Variants in ADA2 observed in about 807,000 individuals in gnomAD.
ADA2 encodes the protein adenosine deaminase CECR1.
A neutral mutation model predicts 44.2 loss-of-function variants in ADA2; 29 were observed. The ratio of observed to expected loss-of-function variants is 0.66; its 90% CI spans 0.49 to 0.89. The LOEUF (loss-of-function observed/expected upper bound fraction) is 0.89. Among genes scored for constraint, ADA2 ranks in the 40% least tolerant of loss-of-function variants. The probability of loss-of-function intolerance (pLI) is 0.00; values close to 1 mark genes in which losing one functional copy is unlikely to be tolerated. For missense variants in ADA2, 637 were observed against 644.8 expected, an observed-to-expected ratio of 0.99 and a Z score of 0.13; for synonymous variants, 215 against 234.9, an observed-to-expected ratio of 0.92 and a Z score of 0.77.
At position 17,207,215 on chromosome 22, in the gene ADA2, T is replaced by TG; in HGVS notation, c.397dup (p.His133ProfsTer45). 1 of 1,614,144 alleles carries TG rather than the reference T, an allele frequency of 6.2e-7. No individual in the cohort carries two copies. ...CCTTGGGGTGAAACAGATGTGGCAG[T>TG]GAGGCCTGTAGGTGACATTCCTCAC... On this transcript the variant is annotated frameshift_variant, in exon 3 of 10. Transcript: ENST00000399837. LOFTEE classifies it high-confidence loss of function.
chr22:17,205,263 G>A (rs572914389), intron 3 of ADA2, among the ~76,000 whole-genome samples: 12 of 151,956 alleles, frequency 7.9e-5, no homozygotes, highest in East Asian at 3.9e-4. Flanking sequence ...CAAGTGATCC[G>A]CCCACCTCGG....
At chr22:17,211,827 C>G (rs1189741923) in intron 1 of ADA2, among the ~76,000 whole-genome samples, 7 of 151,828 alleles carry the variant, frequency 4.6e-5, no homozygotes, top group Non-Finnish European at 8.8e-5. Flanking sequence ...ACTCAGGAGC[C>G]TGAGGCAGGA....
At chr22:17,219,895 C>G (rs897479792), upstream of ADA2, among the ~76,000 whole-genome samples, 1 of 151,890 alleles carries the variant, frequency 6.6e-6, no homozygotes, top group Non-Finnish European at 1.5e-5. Flanking sequence ...AGGCTGCTCT[C>G]GAACTCCTGA....
chr22:17,212,464 G>A (rs996050587), intron 1 of ADA2, among the ~76,000 whole-genome samples: 3 of 152,126 alleles, frequency 2.0e-5, no homozygotes, highest in Non-Finnish European at 4.4e-5. Context: ...AGTAGAGACG[G>A]AGTTTCACTA....
chr22:17,212,812 C>A (rs1464639133), intron 1 of ADA2, among the ~76,000 whole-genome samples: 2 of 150,732 alleles, frequency 1.3e-5, no homozygotes, highest in Non-Finnish European at 3.0e-5. Context: ...CAGGGTCTTA[C>A]TCTGTTGCCC....
At chr22:17,186,237 C>T (rs2062034047) in intron 7 of ADA2, among the ~76,000 whole-genome samples, 1 of 152,196 alleles carries the variant, frequency 6.6e-6, no homozygotes, top group South Asian at 2.1e-4. Flanking sequence ...CTCTCAAGCA[C>T]AATTCACTCG....
chr22:17,182,787 TG>T (rs1568967136), intron 7 of ADA2, 26 bp from the exon 8 acceptor site: 3 of 1,546,144 alleles, frequency 1.9e-6, no homozygotes, highest in Admixed American at 3.4e-5. Flanking sequence ...TGGTCTTCCA[TG>T]GGGGATGGAT....
At chr22:17,209,318 C>A in intron 2 of ADA2, 38 bp downstream of exon 2, 8 of 1,561,086 alleles carry the variant, frequency 5.1e-6, no homozygotes, top group Non-Finnish European at 7.0e-6. Flanking sequence ...GTCCCTCTAC[C>A]TTCCCAGCAC....
rs1388736764 is a variant in ADA2, at chr22:17,209,683, T to A, written c.-6A>T. On this transcript the variant is annotated 5_prime_UTR_variant, in exon 2 of 10. Transcript: ENST00000399837. ...GATGGGCCATCCACCAACATCGGGATGCCTGGACTAGGAAAGGGCTCAGAT... is the reference window on the plus strand; with the variant it reads ...GATGGGCCATCCACCAACATCGGGAAGCCTGGACTAGGAAAGGGCTCAGAT... 3 of 1,609,308 alleles carry A rather than the reference T, an allele frequency of 1.9e-6. No individual in the cohort carries two copies.
chr22:17,195,133 T>C (rs1452467067), intron 4 of ADA2, among the ~76,000 whole-genome samples: 1 of 152,198 alleles, frequency 6.6e-6, no homozygotes, highest in South Asian at 2.1e-4. Flanking sequence ...CACAATTTAT[T>C]ACCAGTTGTT....
At chr22:17,181,646 G>A in intron 9 of ADA2, 70 bp from the exon 10 acceptor site, 2 of 1,185,834 alleles carry the variant, frequency 1.7e-6, no homozygotes, top group Non-Finnish European at 2.5e-6. Flanking sequence ...GAGCCTGAGA[G>A]GACATTAGAG....
At chr22:17,199,802 C>T in intron 4 of ADA2, 1 of 1,381,782 alleles carries the variant, frequency 7.2e-7, no homozygotes, top group Non-Finnish European at 9.4e-7. Context: ...GAATTAATAG[C>T]TGGGCATGGC....
intron 4 of ADA2, chr22:17,199,431 T>TCTATCCTCTTCCCCTCCCACCCCTCCA: frequency 9.7e-6 from 9 of 930,058 alleles, no homozygotes; most frequent in East Asian, 2.6e-5. Flanking sequence ...CCTCCCCTCC[T>TCTATCCTCTTCCCCTCCCACCCCTCCA]CTATCCTCTT....
At chr22:17,191,916 C>CCA (rs1445743338) in intron 4 of ADA2, 106 bp from the exon 5 acceptor site, 1 of 1,103,062 alleles carries the variant, frequency 9.1e-7, no homozygotes, top group East Asian at 2.8e-5. Context: ...CCCTGCCCAA[C>CCA]CACCCCCTTC....
upstream of ADA2, among the ~76,000 whole-genome samples, chr22:17,220,571 T>C (rs960949706): frequency 6.6e-6 from 1 of 152,102 alleles, no homozygotes; most frequent in Non-Finnish European, 1.5e-5. Flanking sequence ...AAGTAACTAT[T>C]GGGATGCCTC....
intron 4 of ADA2, among the ~76,000 whole-genome samples, chr22:17,193,462 C>T (rs555144046): frequency 2.0e-5 from 3 of 146,712 alleles, no homozygotes; most frequent in South Asian, 2.2e-4. Context: ...GTCATGAGTT[C>T]GAGACCAGCC....
In ADA2 at chr22:17,181,560, C is replaced by T. The variant is rs1350957147; in HGVS notation, c.1459G>A (p.Glu487Lys). ...TCCATGAAAGTATTTTTCTCACTCT[C>T]CAACAGGGTACTGTACCTGCAGGAA... ...MNSIKYSTLL[E>K]SEKNTFMEIW... is the part of the protein sequence containing the mutation. Residue 487 changes from glutamate to lysine, a missense_variant, in exon 10 of 10, where the codon GAG becomes AAG. Transcript: ENST00000399837. The T allele has an allele frequency of 6.2e-7, 1 of 1,611,896 alleles. No individual in the cohort carries two copies. The highest frequency in any genetic ancestry group is 1.1e-5 in the South Asian group (1 of 91,004).
At chr22:17,214,039 CAAAAAAAAAA>C (rs35502604) in intron 1 of ADA2, 76 of 285,866 alleles carry the variant, frequency 2.7e-4, no homozygotes, top group Admixed American at 1.0e-3. Flanking sequence ...AACTCTGTCT[CAAAAAAAAAA>C]AAAAAAAAAA....
In ADA2 at chr22:17,210,514, A is replaced by G. The variant is rs138614849; in HGVS notation, c.-46-791T>C. ...AGGTTTTCCCAAATTAAAGGTCACC[A>G]TGAGGTCAAACAAGCCCTGGCTCAT... On this transcript the variant is annotated intron_variant, in intron 1 of 9. Coordinates refer to ENST00000399837, the MANE Select transcript of ADA2 (RefSeq NM_001282225.2). Among the ~76,000 whole-genome samples the G allele has an allele frequency of 1.5e-3, 227 of 152,164 alleles. 1 individual carries two copies. Among genetic ancestry groups the G allele is most frequent in the African/African-American group, 5.3e-3 (221 of 41,518 alleles).
Sources: allele counts gnomAD v4.1 joint callset (sites outside exome capture counted in the v4.1 genomes callset), GRCh38; gene constraint gnomAD v4.1.1; transcripts MANE v1.5; gene names NCBI Gene and HGNC (gene_info 2026-07-23, HGNC 2026-07-21).